Variants in CD163L1 observed in about 807,000 individuals in gnomAD.
CD163L1 encodes the protein CD163 molecule like 1.
CD163L1 carries 124 observed loss-of-function variants against 165.4 expected under a neutral mutation model. The observed-to-expected ratio is 0.75, with a 90% CI of 0.65 to 0.87. The LOEUF is 0.87. Ranked by LOEUF, CD163L1 falls within the 40% of genes least tolerant of loss-of-function variation. The pLI is 0.00. For missense variants in CD163L1, 1,525 were observed against 1,799.9 expected (o/e 0.85, Z 2.76); for synonymous variants, 585 against 662.2 (o/e 0.88, Z 1.79).
chr12:7,387,237 G>T (rs993344866), intron 8 of CD163L1, among the ~76,000 whole-genome samples: 1 of 151,928 alleles, frequency 6.6e-6, no homozygotes, highest in Non-Finnish European at 1.5e-5. Context: ...CCACAAGAAA[G>T]AATAAAATAA....
the CD163L1 span, among the ~76,000 whole-genome samples, chr12:7,318,804 A>G: frequency 7.9e-5 from 12 of 152,334 alleles, no homozygotes; most frequent in African/African-American, 2.6e-4. Context: ...TAAGTTTAAC[A>G]AAATACATAT....
rs1946678803 is a variant in CD163L1, at chr12:7,347,628, T to C, written c.*25-481A>G. On this transcript the variant is annotated intron_variant, in intron 4 of 4. Coordinates refer to the CD163L1 transcript ENST00000539726. This position sits in a 1 kb window ranked among gnomAD's most constrained non-coding sequence, Gnocchi z 4.2. ...TGAAAATACAAAAAAATTAGCCTGGTGTGGTGGCGGGCGCCTGTAGTCCCA... is the reference window on the plus strand; with the variant it reads ...TGAAAATACAAAAAAATTAGCCTGGCGTGGTGGCGGGCGCCTGTAGTCCCA... 6.6e-6 allele frequency among the ~76,000 whole-genome samples: 1 copy of C among 151,922 alleles called. No individual in the cohort carries two copies. The highest frequency in any genetic ancestry group is 2.1e-4 in the South Asian group (1 of 4,816).
chr12:7,435,454 C>T (rs184461679), intron 2 of CD163L1, among the ~76,000 whole-genome samples: 1 of 151,682 alleles, frequency 6.6e-6, no homozygotes, highest in East Asian at 1.9e-4. Flanking sequence ...AAGGCATGAC[C>T]ATTAAATACA....
intron 8 of CD163L1, among the ~76,000 whole-genome samples, chr12:7,389,946 T>TTA (rs1333218511): frequency 2.8e-4 from 36 of 126,822 alleles, no homozygotes; most frequent in Admixed American, 1.7e-3. Context: ...ATTAAACATT[T>TTA]TATATATATA....
chr12:7,345,953 T>C (rs971827414), downstream of CD163L1, among the ~76,000 whole-genome samples: 6 of 152,234 alleles, frequency 3.9e-5, no homozygotes, highest in South Asian at 2.1e-4. Flanking sequence ...CGTTCACTAT[T>C]ACAAGGACGG....
At chr12:7,426,454 A>AAAATAAAT (rs766528016) in intron 4 of CD163L1, among the ~76,000 whole-genome samples, 1 of 152,014 alleles carries the variant, frequency 6.6e-6, no homozygotes, top group African/African-American at 2.4e-5. Flanking sequence ...ACTTAAAGTA[A>AAAATAAAT]AAATAAATAA....
chr12:7,440,945 T>C (rs1948824195), intron 2 of CD163L1, among the ~76,000 whole-genome samples: 1 of 152,190 alleles, frequency 6.6e-6, no homozygotes, highest in African/African-American at 2.4e-5. Flanking sequence ...AAATTCTCTT[T>C]ATCTGAAGGA....
chr12:7,334,536 A>C, the CD163L1 span, among the ~76,000 whole-genome samples: 35 of 152,226 alleles, frequency 2.3e-4, no homozygotes, highest in African/African-American at 8.4e-4. Flanking sequence ...TCAATATCAT[A>C]CTGAATGGGC....
chr12:7,369,979 G>A lies in CD163L1; in HGVS notation c.3731-314C>T, dbSNP rs901586474. Reference sequence around the variant, plus strand: ...TTTTCCAAATTTCAGTGTCCTATCTGACCCAAACATCCTATCTTGCCCCTC... The same window carrying A: ...TTTTCCAAATTTCAGTGTCCTATCTAACCCAAACATCCTATCTTGCCCCTC... On this transcript the variant is annotated intron_variant, in intron 14 of 19. Transcript: ENST00000313599. The surrounding 1 kb of genome is among the most constrained non-coding windows in gnomAD (Gnocchi z 4.9). 4.6e-5 allele frequency among the ~76,000 whole-genome samples: 7 copies of A among 152,148 alleles called. No individual in the cohort carries two copies. The highest frequency in any genetic ancestry group is 1.0e-4 in the Non-Finnish European group (7 of 68,020).
chr12:7,419,110 T>G (rs1948300158), intron 4 of CD163L1, among the ~76,000 whole-genome samples: 1 of 151,606 alleles, frequency 6.6e-6, no homozygotes, highest in Admixed American at 6.6e-5. Context: ...GCAAAAATCC[T>G]TAACAAAACA....
chr12:7,380,399 A>G (rs1251599934), intron 8 of CD163L1, among the ~76,000 whole-genome samples: 2 of 144,676 alleles, frequency 1.4e-5, no homozygotes, highest in South Asian at 2.4e-4. Context: ...ATGCGTATAC[A>G]CACATGTATG....
chr12:7,332,526 C>A, the CD163L1 span, among the ~76,000 whole-genome samples: 1 of 152,158 alleles, frequency 6.6e-6, no homozygotes, highest in South Asian at 2.1e-4. Flanking sequence ...TTAAGGGCAG[C>A]CAGGGAGAAA....
At chr12:7,319,769 T>G in the CD163L1 span, among the ~76,000 whole-genome samples, 3 of 152,132 alleles carry the variant, frequency 2.0e-5, no homozygotes, top group Non-Finnish European at 4.4e-5. Context: ...ACCTAAGAAC[T>G]GAGATCTCTA....
In CD163L1 at chr12:7,444,134, T is replaced by C. The variant is rs1948862074; in HGVS notation, c.-7A>G. The C allele has an allele frequency of 6.2e-7, 1 of 1,613,570 alleles. No homozygotes were observed. Among genetic ancestry groups the C allele is most frequent in the African/African-American group, 1.3e-5 (1 of 74,896 alleles). On this transcript the variant is annotated 5_prime_UTR_variant, in exon 1 of 20. Transcript: ENST00000313599. ...AGTTTTGAGGCAGCATCATTATGGG[T>C]CTATCTCTTCCTGAGTCCTGATGTA... is the stretch of plus-strand genomic sequence containing the variant.
chr12:7,326,827 A>G, the CD163L1 span: 2 of 858,472 alleles, frequency 2.3e-6, no homozygotes, highest in East Asian at 2.9e-5. Flanking sequence ...AATTGTATCC[A>G]AGCTTTGTTC....
At chr12:7,350,937 T>G (rs754011243), downstream of CD163L1, among the ~76,000 whole-genome samples, 1 of 152,272 alleles carries the variant, frequency 6.6e-6, no homozygotes, top group South Asian at 2.1e-4. Context: ...AAGATCATTT[T>G]ATGTAACCTA....
Position 7,432,400 on chromosome 12 carries a change from T to TG in CD163L1, c.766+15dup. 6.4e-7 allele frequency: 1 copy of TG among 1,568,920 alleles called. No individual in the cohort carries two copies. The highest frequency in any genetic ancestry group is 8.7e-7 in the Non-Finnish European group (1 of 1,145,652). ...CAAATTGTTCCTTTCTTCTACATGA[T>TG]GTCTTGGGTTCTTACCATAACAAGT... On this transcript the variant is annotated intron_variant, in intron 4 of 19. Transcript: ENST00000313599. The surrounding 1 kb of genome is among the most constrained non-coding windows in gnomAD (Gnocchi z 4.2).
intron 5 of CD163L1, among the ~76,000 whole-genome samples, chr12:7,404,662 C>T (rs952976514): frequency 6.6e-6 from 1 of 152,130 alleles, no homozygotes; most frequent in Non-Finnish European, 1.5e-5. Context: ...GCTTTTCATA[C>T]ATCATTACAA....
the CD163L1 span, among the ~76,000 whole-genome samples, chr12:7,332,080 G>A: frequency 1.3e-5 from 2 of 152,188 alleles, no homozygotes; most frequent in Admixed American, 1.3e-4. Context: ...ATGCAGAGAA[G>A]TCCTTAAAGG....
Sources: gnomAD v4.1 joint callset for allele counts (sites outside exome capture counted in the v4.1 genomes callset) on GRCh38, gnomAD v4.1.1 for gene constraint, Gnocchi (gnomAD v3.1) non-coding constraint, MANE v1.5 for transcripts, NCBI Gene and HGNC (gene_info 2026-07-23, HGNC 2026-07-21) for gene names.